The following SPMIP2 variants were observed in gnomAD, a reference collection of about 807,000 sequenced individuals.
The protein encoded by SPMIP2 is sperm microtubule inner protein 2.
chr4:159,030,037 A>C, the SPMIP2 span, among the ~76,000 whole-genome samples: 1 of 152,240 alleles, frequency 6.6e-6, no homozygotes, highest in Admixed American at 6.5e-5. Context: ...TATACTGTGA[A>C]TCATCACATA....
the SPMIP2 span, among the ~76,000 whole-genome samples, chr4:158,951,635 A>AT: frequency 3.9e-4 from 60 of 152,196 alleles, no homozygotes; most frequent in Non-Finnish European, 1.5e-5. Flanking sequence ...CAAGTAGAAC[A>AT]AAGAGGACAC....
chr4:159,035,607 A>AAT, the SPMIP2 span, among the ~76,000 whole-genome samples: 1 of 151,188 alleles, frequency 6.6e-6, no homozygotes, highest in African/African-American at 2.4e-5. Context: ...CACACACACA[A>AAT]ATATATATAG....
At chr4:159,000,991 T>C in the SPMIP2 span, among the ~76,000 whole-genome samples, 1 of 152,202 alleles carries the variant, frequency 6.6e-6, no homozygotes, top group Non-Finnish European at 1.5e-5. Flanking sequence ...TTTATGGACA[T>C]TTGTTTTCAT....
chr4:158,990,656 G>A, the SPMIP2 span, among the ~76,000 whole-genome samples: 1 of 152,160 alleles, frequency 6.6e-6, no homozygotes, highest in African/African-American at 2.4e-5. Flanking sequence ...ACACCGCCAT[G>A]TTCTCACTCA....
chr4:159,004,344 GC>G, the SPMIP2 span, among the ~76,000 whole-genome samples: 1 of 131,166 alleles, frequency 7.6e-6, no homozygotes, highest in Non-Finnish European at 1.5e-5. Flanking sequence ...AGGCTGGAGT[GC>G]AGTGGTGCGA....
the SPMIP2 span, among the ~76,000 whole-genome samples, chr4:158,904,040 C>T: frequency 5.3e-5 from 8 of 152,236 alleles, no homozygotes; most frequent in South Asian, 1.2e-3. Context: ...CTACCATCAT[C>T]GTTTTTCTAA....
the SPMIP2 span, among the ~76,000 whole-genome samples, chr4:158,913,090 G>C: frequency 6.6e-6 from 1 of 152,232 alleles, no homozygotes; most frequent in Non-Finnish European, 1.5e-5. Flanking sequence ...AAAGACCAGA[G>C]TGAGGAACTC....
At chr4:158,916,542 T>C in the SPMIP2 span, among the ~76,000 whole-genome samples, 1 of 152,202 alleles carries the variant, frequency 6.6e-6, no homozygotes, top group Non-Finnish European at 1.5e-5. Context: ...GAATAAAGTC[T>C]GAGCTCCTCA....
the SPMIP2 span, among the ~76,000 whole-genome samples, chr4:159,070,013 A>G: frequency 6.6e-6 from 1 of 151,882 alleles, no homozygotes; most frequent in African/African-American, 2.4e-5. Context: ...ATGACTAGTA[A>G]CCTCTCGCAA....
At chr4:158,979,428 G>T in the SPMIP2 span, among the ~76,000 whole-genome samples, 2 of 152,070 alleles carry the variant, frequency 1.3e-5, no homozygotes, top group African/African-American at 2.4e-5. Context: ...CCTGAGGAAG[G>T]CTGGCAAGAT....
the SPMIP2 span, chr4:158,973,031 A>T: frequency 4.2e-6 from 5 of 1,188,052 alleles, no homozygotes; most frequent in Non-Finnish European, 6.0e-6. Context: ...TAAAGAATTC[A>T]AGTTAGAAAA....
the SPMIP2 span, among the ~76,000 whole-genome samples, chr4:159,037,442 TC>T: frequency 7.0e-6 from 1 of 142,124 alleles, no homozygotes; most frequent in African/African-American, 2.9e-5. Flanking sequence ...TGCTGTTCCT[TC>T]CTTTTTTTTT....
At chr4:158,908,054 T>C in the SPMIP2 span, 1 of 152,208 alleles carries the variant, frequency 6.6e-6, no homozygotes, top group Non-Finnish European at 1.5e-5. Context: ...TCTTGAACAT[T>C]TTCCTGGTGC....
the SPMIP2 span, chr4:159,007,825 C>A: frequency 1.8e-6 from 1 of 560,886 alleles, no homozygotes. Context: ...GAGAAGCCAT[C>A]TATGCACTGA....
At chr4:159,028,484 C>T in the SPMIP2 span, among the ~76,000 whole-genome samples, 1 of 152,124 alleles carries the variant, frequency 6.6e-6, no homozygotes, top group African/African-American at 2.4e-5. Context: ...TGTGCACCAC[C>T]ACACTCGGCT....
the SPMIP2 span, among the ~76,000 whole-genome samples, chr4:158,969,623 T>G: frequency 6.6e-6 from 1 of 152,170 alleles, no homozygotes; most frequent in Non-Finnish European, 1.5e-5. Flanking sequence ...ATTATCTTCC[T>G]GCAAAAAGCC....
At chr4:159,015,977 G>A in the SPMIP2 span, among the ~76,000 whole-genome samples, 6 of 152,150 alleles carry the variant, frequency 3.9e-5, no homozygotes, top group African/African-American at 1.2e-4. Flanking sequence ...GGGTGATGCC[G>A]CCTTTCACTG....
At chr4:158,957,545 G>A in the SPMIP2 span, among the ~76,000 whole-genome samples, 4 of 152,124 alleles carry the variant, frequency 2.6e-5, no homozygotes, top group African/African-American at 9.7e-5. Context: ...TCTTGCCTCA[G>A]CCTCCCAAGT....
At chr4:159,070,090 C>G in the SPMIP2 span, among the ~76,000 whole-genome samples, 1 of 151,638 alleles carries the variant, frequency 6.6e-6, no homozygotes, top group Non-Finnish European at 1.5e-5. Flanking sequence ...CAGAAGGACT[C>G]AGATGGGGAA....
Sources: gnomAD v4.1 joint callset for allele counts (sites outside exome capture counted in the v4.1 genomes callset) on GRCh38, gnomAD v4.1.1 for gene constraint, MANE v1.5 for transcripts, NCBI Gene and HGNC (gene_info 2026-07-23, HGNC 2026-07-21) for gene names.